The following BOD1L1 variants were observed in gnomAD, a reference collection of about 807,000 sequenced individuals.
BOD1L1 encodes the protein biorientation of chromosomes in cell division 1 like 1.
Under a neutral mutation model 240.7 loss-of-function variants are expected in BOD1L1, and 86 were observed. The ratio of observed to expected loss-of-function variants is 0.36; its 90% confidence interval spans 0.30 to 0.43. The LOEUF (loss-of-function observed/expected upper bound fraction) is 0.43. BOD1L1 is among the 20% of genes least tolerant of loss of function. BOD1L1 has a pLI of 1.00. For missense variants in BOD1L1, 3,554 were observed against 3,643.5 expected (o/e 0.98, Z 0.63); for synonymous variants, 1,268 against 1,272.3 (o/e 1.00, Z 0.07).
intron 5 of BOD1L1, 46 bp from the exon 6 acceptor site, chr4:13,611,146 T>G: frequency 7.1e-7 from 1 of 1,406,176 alleles, no homozygotes; most frequent in Non-Finnish European, 9.8e-7. Flanking sequence ...TGAATTAGCA[T>G]AAAATCAACA....
chr4:13,613,570 A>G lies in BOD1L1; in HGVS notation c.1266T>C (p.Asp422=). The G allele has an allele frequency of 6.2e-7, 1 of 1,612,700 alleles. No homozygotes were observed. The highest frequency in any genetic ancestry group is 8.5e-7 in the Non-Finnish European group (1 of 1,178,990). The part of the protein sequence containing the change: ...HTSDLSSFEE[D]TEEEVVTSDS... ...CAGACGTTACAACTTCCTCCTCAGT[A>G]TCTTCTTCAAAAGATGAAAGGTCAC... The change falls in exon 5 of 26, where the codon GAT becomes GAC. Residue 422 remains aspartate (D), a synonymous_variant. Transcript: ENST00000040738. This position sits in a 1 kb window ranked among gnomAD's most constrained non-coding sequence, Gnocchi z 4.0.
At chr4:13,612,257 T>C (rs1027927692) in intron 5 of BOD1L1, among the ~76,000 whole-genome samples, 1 of 152,234 alleles carries the variant, frequency 6.6e-6, no homozygotes, top group Non-Finnish European at 1.5e-5. Flanking sequence ...TGATTTTCTC[T>C]CTAGGTAGCC....
chr4:13,589,248 G>T (rs777065361), intron 14 of BOD1L1, among the ~76,000 whole-genome samples: 47 of 152,168 alleles, frequency 3.1e-4, no homozygotes, highest in Non-Finnish European at 6.6e-4. Context: ...GGTCAATTTA[G>T]CACATGCAGT....
intron 2 of BOD1L1, 120 bp downstream of exon 2, chr4:13,619,823 C>T (rs1716908488): frequency 7.8e-7 from 1 of 1,286,860 alleles, no homozygotes; most frequent in Non-Finnish European, 1.1e-6. Context: ...ATAGCCACAC[C>T]AAATCCAGTA....
intron 7 of BOD1L1, 58 bp downstream of exon 7, chr4:13,609,237 C>T (rs958400335): frequency 1.0e-6 from 1 of 988,208 alleles, no homozygotes; most frequent in Non-Finnish European, 1.4e-6. Context: ...TATAAGAGTA[C>T]CCAGAAAATA....
At chr4:13,587,803 T>C (rs149555351) in intron 15 of BOD1L1, 32 bp from the exon 16 acceptor site, 25 of 1,405,106 alleles carry the variant, frequency 1.8e-5, no homozygotes, top group Middle Eastern at 3.5e-4. Context: ...TCAAAGGCCA[T>C]AGAATCTTGA....
At chr4:13,619,345 T>C (rs1716868906) in intron 2 of BOD1L1, among the ~76,000 whole-genome samples, 1 of 150,618 alleles carries the variant, frequency 6.6e-6, no homozygotes, top group Non-Finnish European at 1.5e-5. Context: ...GTAAATCTAG[T>C]TTCCTAAGGA....
chr4:13,573,454 A>ATCTATCTATCTATCTATCTATCTATCTC (rs1712398029), intron 25 of BOD1L1, among the ~76,000 whole-genome samples: 1 of 122,528 alleles, frequency 8.2e-6, no homozygotes, highest in East Asian at 2.2e-4. Flanking sequence ...CTATCTATCT[A>ATCTATCTATCTATCTATCTATCTATCTC]TCTATCTATC....
At chr4:13,610,455 T>C (rs1215772446) in intron 6 of BOD1L1, among the ~76,000 whole-genome samples, 1 of 152,226 alleles carries the variant, frequency 6.6e-6, no homozygotes, top group East Asian at 1.9e-4. Context: ...CTTTGAGCAC[T>C]GACATGCTGT....
intron 1 of BOD1L1, among the ~76,000 whole-genome samples, chr4:13,621,435 A>T (rs1659697082): frequency 6.6e-6 from 1 of 152,198 alleles, no homozygotes; most frequent in African/African-American, 2.4e-5. Context: ...TCCATCTGAC[A>T]AACTTCTCAC....
In BOD1L1 at chr4:13,603,854, A is replaced by G. The variant is rs1016959754; in HGVS notation, c.3046T>C (p.Leu1016=). The change falls in exon 10 of 26, where the codon TTG becomes CTG. Residue 1016 remains leucine, a synonymous_variant. Coordinates refer to ENST00000040738, the MANE Select transcript of BOD1L1 (RefSeq NM_148894.3). Reference sequence around the variant, plus strand: ...CTTCTGCTTTTGTGGCCATCTGACAACTTTCTCTCAAGCCTGGTGGAAGTG... The same window carrying G: ...CTTCTGCTTTTGTGGCCATCTGACAGCTTTCTCTCAAGCCTGGTGGAAGTG... ...DSTSTRLERK[L]SDGHKSRSLK... is the part of the protein sequence containing the mutation. 3 of 1,613,382 alleles carry G rather than the reference A, an allele frequency of 1.9e-6. No individual in the cohort carries two copies. Among genetic ancestry groups the G allele is most frequent in the East Asian group, 4.5e-5 (2 of 44,874 alleles).
At position 13,587,272 on chromosome 4, in the gene BOD1L1, TATC is replaced by T. The variant is rs928005497; in HGVS notation, c.8353+424_8353+426del. Reference sequence around the variant, plus strand: ...AGACAAAATAAATGTACAAGACTTCTATCACTGTAGTTCTACTAGAGGGCACCG... The same window carrying T: ...AGACAAAATAAATGTACAAGACTTCTACTGTAGTTCTACTAGAGGGCACCG... On this transcript the variant is annotated intron_variant, in intron 16 of 25. Coordinates refer to ENST00000040738, the MANE Select transcript of BOD1L1 (RefSeq NM_148894.3). 4.7e-4 allele frequency among the ~76,000 whole-genome samples: 71 copies of T among 152,356 alleles called. 1 individual carries two copies. The highest frequency in any genetic ancestry group is 1.7e-3 in the African/African-American group (70 of 41,582).
chr4:13,627,323 C>G, intron 1 of BOD1L1, 22 bp downstream of exon 1: 1 of 1,270,510 alleles, frequency 7.9e-7, no homozygotes, highest in Non-Finnish European at 1.0e-6. Flanking sequence ...TCGCAGACCC[C>G]CAAACCCGGC....
chr4:13,584,424 G>T (rs1306611559), intron 17 of BOD1L1, among the ~76,000 whole-genome samples: 1 of 137,770 alleles, frequency 7.3e-6, no homozygotes, highest in African/African-American at 2.9e-5. Context: ...GTGTGGCGGG[G>T]AGAGAAAGAG....
At position 13,596,009 on chromosome 4, in the gene BOD1L1, G is replaced by A. The variant is rs1021419239; in HGVS notation, c.8020-65C>T. The A allele has an allele frequency of 1.4e-5, 19 of 1,339,340 alleles. No individual in the cohort carries two copies. The African/African-American group carries it at 2.3e-4, about 16-fold the overall frequency. 83.0% of individuals were successfully genotyped at this position (1,339,340 alleles called of 1,614,324 possible). A position where few individuals can be genotyped will look rare whatever the true frequency, so the allele number is the denominator to read the frequency against. ...GTTTTTACAAGAAGACTAACCTCAA[G>A]TGAATTAAACAAAAAAAAACCCAGC... On this transcript the variant is annotated intron_variant, in intron 11 of 25. Coordinates refer to ENST00000040738, the MANE Select transcript of BOD1L1 (RefSeq NM_148894.3).
rs1715024110 is a variant in BOD1L1 at position 13,600,363 on chromosome 4, A to G, written c.6537T>C (p.Ala2179=). Residue 2179 remains alanine (A), a synonymous_variant, in exon 10 of 26, where the codon GCT becomes GCC. Coordinates refer to ENST00000040738, the MANE Select transcript of BOD1L1 (RefSeq NM_148894.3). ...QPVAAAVEER[A]TGPVLISTAD... is the part of the protein sequence containing the mutation. ...CGGTGCTTATCAAGACTGGACCTGT[A>G]GCCCTTTCTTCCACTGCTGCAGCAA... 2 of 1,613,930 alleles carry G rather than the reference A, an allele frequency of 1.2e-6. No individual in the cohort carries two copies. Among genetic ancestry groups the G allele is most frequent in the Middle Eastern group, 1.6e-4 (1 of 6,082 alleles).
At chr4:13,583,184 T>G (rs1713374999) in intron 17 of BOD1L1, among the ~76,000 whole-genome samples, 1 of 152,170 alleles carries the variant, frequency 6.6e-6, no homozygotes, top group Non-Finnish European at 1.5e-5. Flanking sequence ...CTTGGAGCAG[T>G]GATCTTTCAG....
At chr4:13,618,274 A>G (rs949466656) in intron 2 of BOD1L1, among the ~76,000 whole-genome samples, 4 of 152,234 alleles carry the variant, frequency 2.6e-5, no homozygotes, top group Admixed American at 6.5e-5. Context: ...CCAAAAAAAC[A>G]TGCTTTTAAA....
intron 10 of BOD1L1, 72 bp from the exon 11 acceptor site, chr4:13,597,240 T>C: frequency 1.2e-5 from 14 of 1,152,652 alleles, no homozygotes; most frequent in Non-Finnish European, 1.8e-5. Flanking sequence ...CAAAAAGTAA[T>C]GGAATGTGGT....
Sources: gnomAD v4.1 joint callset for allele counts (sites outside exome capture counted in the v4.1 genomes callset) on GRCh38, gnomAD v4.1.1 for gene constraint, Gnocchi (gnomAD v3.1) non-coding constraint, MANE v1.5 for transcripts, NCBI Gene and HGNC (gene_info 2026-07-23, HGNC 2026-07-21) for gene names.